IPO8: variants seen among roughly 807,000 people sequenced by gnomAD.
IPO8 encodes the protein importin-8.
Under a neutral mutation model 141.2 loss-of-function variants are expected in IPO8, and 65 were observed. The ratio of observed to expected loss-of-function variants is 0.46; its 90% confidence interval spans 0.38 to 0.57. The LOEUF (loss-of-function observed/expected upper bound fraction) is 0.57. Ranked by LOEUF, IPO8 falls within the 20% of genes least tolerant of loss-of-function variation. The pLI, the probability that IPO8 is intolerant of heterozygous loss-of-function variation, is 0.00. For synonymous variants in IPO8, 411 were observed against 420.3 expected, an observed-to-expected ratio of 0.98 and a Z score of 0.27; for missense variants, 980 against 1,246.8, an observed-to-expected ratio of 0.79 and a Z score of 3.22.
intron 9 of IPO8, among the ~76,000 whole-genome samples, chr12:30,670,194 C>T (rs1211948964): frequency 6.6e-6 from 1 of 152,166 alleles, no homozygotes; most frequent in Non-Finnish European, 1.5e-5. Flanking sequence ...AAGATATCTA[C>T]ATAAATCAAA....
intron 8 of IPO8, among the ~76,000 whole-genome samples, 196 bp from the exon 9 acceptor site, chr12:30,671,292 G>C (rs1302190725): frequency 2.0e-5 from 3 of 152,062 alleles, no homozygotes. Context: ...TGAACTAAAC[G>C]GTGTCTCATT....
chr12:30,677,059 T>A, intron 5 of IPO8: 1 of 1,522,622 alleles, frequency 6.6e-7, no homozygotes, highest in Non-Finnish European at 8.8e-7. Context: ...TGCTGTACTG[T>A]GAGTTGCAGA....
In IPO8 at chr12:30,695,554, C is replaced by T; in HGVS notation, c.84+10G>A. 1 of 1,612,690 alleles carries T rather than the reference C, an allele frequency of 6.2e-7. No homozygotes were observed. The highest frequency in any genetic ancestry group is 8.5e-7 in the Non-Finnish European group (1 of 1,178,952). ...CGGCGGAAGAGGGTCGCCGAAGACC[C>T]TCTCCTCACCTGGTTGAGCTCGTTC... On this transcript the variant is annotated intron_variant, in intron 1 of 24. Transcript: ENST00000256079. The surrounding 1 kb of genome is among the most constrained non-coding windows in gnomAD (Gnocchi z 4.2).
chr12:30,651,785 T>C (rs1020328938), intron 19 of IPO8, among the ~76,000 whole-genome samples: 28 of 152,156 alleles, frequency 1.8e-4, no homozygotes, highest in African/African-American at 6.5e-4. Flanking sequence ...CTTTTCCAAC[T>C]ATTAAAATTT....
intron 8 of IPO8, among the ~76,000 whole-genome samples, chr12:30,673,224 A>G (rs2053075501): frequency 6.6e-6 from 1 of 152,062 alleles, no homozygotes; most frequent in African/African-American, 2.4e-5. Context: ...GTGCCACTGC[A>G]CTCCAGCCTG....
At chr12:30,648,580 A>G (rs1355719199) in intron 20 of IPO8, among the ~76,000 whole-genome samples, 1 of 152,208 alleles carries the variant, frequency 6.6e-6, no homozygotes, top group Admixed American at 6.5e-5. Flanking sequence ...TATAAGAAAT[A>G]CATAAAGCAA....
At chr12:30,674,588 A>C in intron 7 of IPO8, 71 bp downstream of exon 7, 2 of 1,136,284 alleles carry the variant, frequency 1.8e-6, no homozygotes, top group Admixed American at 1.7e-5. Flanking sequence ...CGGTGGCTCT[A>C]AAGACAGATA....
chr12:30,665,656 A>G (rs2136153081), intron 12 of IPO8, 73 bp downstream of exon 12: 3 of 934,486 alleles, frequency 3.2e-6, no homozygotes, highest in East Asian at 4.9e-5. Context: ...TAAATTAGCC[A>G]TAACTTTCAT....
chr12:30,655,369 C>T (rs994681780), intron 17 of IPO8, among the ~76,000 whole-genome samples: 7 of 152,124 alleles, frequency 4.6e-5, no homozygotes, highest in Non-Finnish European at 8.8e-5. Flanking sequence ...AAAATTGTAT[C>T]TATGATTTAT....
intron 5 of IPO8, among the ~76,000 whole-genome samples, chr12:30,680,036 CCT>C (rs1419861034): frequency 1.3e-5 from 2 of 151,986 alleles, no homozygotes; most frequent in Non-Finnish European, 2.9e-5. Context: ...AACCCTAAAT[CCT>C]CTGTTAGCTT....
Position 30,690,764 on chromosome 12 carries a change from G to A in IPO8, c.85-187C>T, listed in dbSNP as rs577604892. On this transcript the variant is annotated intron_variant, in intron 1 of 24. Coordinates refer to ENST00000256079, the MANE Select transcript of IPO8 (RefSeq NM_006390.4). ...CAAAAAAATTTCCTGAGCAGAAACT[G>A]ATGAATAAAAGAATGTGAACATTTT... Among the ~76,000 whole-genome samples, 18 of 152,232 alleles carry A rather than the reference G, an allele frequency of 1.2e-4. No homozygotes were observed. The East Asian group carries it at 3.5e-3, about 29-fold the overall frequency.
intron 17 of IPO8, among the ~76,000 whole-genome samples, 163 bp downstream of exon 17, chr12:30,656,521 T>C (rs1388532636): frequency 6.6e-6 from 1 of 152,182 alleles, no homozygotes; most frequent in African/African-American, 2.4e-5. Context: ...TGAATGAAAA[T>C]ACAGATATTT....
In IPO8 at chr12:30,695,145, A is replaced by G; in HGVS notation, c.84+419T>C. ...GGTGGGCAGCGTGCTCCACAGCAAC[A>G]CCTAAAAAGGGCTGGGTTTGGAAAA... On this transcript the variant is annotated intron_variant, in intron 1 of 24. Transcript: ENST00000256079. The surrounding 1 kb of genome is among the most constrained non-coding windows in gnomAD (Gnocchi z 4.2). 2 of 392,640 alleles carry G rather than the reference A, an allele frequency of 5.1e-6. No individual in the cohort carries two copies. Among genetic ancestry groups the G allele is most frequent in the Admixed American group, 3.5e-5 (1 of 28,936 alleles). The allele number at this position is 392,640 out of a possible 1,614,324, so 24.3% of individuals were successfully genotyped here. A position where few individuals can be genotyped will look rare whatever the true frequency, so the allele number is the denominator to read the frequency against.
intron 8 of IPO8, 46 bp downstream of exon 8, chr12:30,673,944 T>A (rs1294075547): frequency 8.5e-7 from 1 of 1,180,196 alleles, no homozygotes; most frequent in South Asian, 1.6e-5. Flanking sequence ...ATGCCTTTAC[T>A]TTCAGTAGTA....
At position 30,695,745 on chromosome 12, in the gene IPO8, G is replaced by A; in HGVS notation, c.-98C>T. 1 of 1,122,692 alleles carries A rather than the reference G, an allele frequency of 8.9e-7. No individual in the cohort carries two copies. Among genetic ancestry groups the A allele is most frequent in the South Asian group, 1.4e-5 (1 of 70,494 alleles). 69.5% of individuals were successfully genotyped at this position (1,122,692 alleles called of 1,614,324 possible). A position where few individuals can be genotyped will look rare whatever the true frequency, so the allele number is the denominator to read the frequency against. On this transcript the variant is annotated 5_prime_UTR_variant, in exon 1 of 25. Coordinates refer to ENST00000256079, the MANE Select transcript of IPO8 (RefSeq NM_006390.4). This position sits in a 1 kb window ranked among gnomAD's most constrained non-coding sequence, Gnocchi z 4.2. ...TCAGCCTCCTCTTCCGCGACCCCTG[G>A]ATTACCTCACACCCCACCCCCCGCC...
Position 30,665,090 on chromosome 12 carries a change from T to C in IPO8, c.1428+130A>G, listed in dbSNP as rs1424177421. On this transcript the variant is annotated intron_variant, in intron 13 of 24. Coordinates refer to ENST00000256079, the MANE Select transcript of IPO8 (RefSeq NM_006390.4). ...GTCCTTTATTCAGCTGATGTGACCA[T>C]AGGCAGACATTCTAATTGACTCTAT... The C allele has an allele frequency of 1.5e-5, 9 of 617,004 alleles. 1 individual carries two copies. Among genetic ancestry groups the C allele is most frequent in the South Asian group, 4.2e-5 (2 of 48,088 alleles). 38.2% of individuals were successfully genotyped at this position (617,004 alleles called of 1,614,324 possible). A position where few individuals can be genotyped will look rare whatever the true frequency, so the allele number is the denominator to read the frequency against.
In IPO8 at chr12:30,694,843, G is replaced by T. The variant is rs185262822; in HGVS notation, c.84+721C>A. ...GGAAGAAGAAATAAGCTGGAGTTTG[G>T]GATCATTAAAATTTTGAAGTGTGGG... On this transcript the variant is annotated intron_variant, in intron 1 of 24. Transcript: ENST00000256079. 3.3e-4 allele frequency: 118 copies of T among 362,482 alleles called. No individual in the cohort carries two copies. In the Admixed American group the frequency reaches 3.9e-3, roughly 12 times the overall value. 22.5% of individuals were successfully genotyped at this position (362,482 alleles called of 1,614,324 possible).
chr12:30,652,372 C>A, intron 18 of IPO8, 83 bp from the exon 19 acceptor site: 1 of 791,396 alleles, frequency 1.3e-6, no homozygotes. Context: ...ATTTCTGTAG[C>A]ACCCACACAT....
chr12:30,694,766 C>T (rs1458647006), intron 1 of IPO8, among the ~76,000 whole-genome samples: 1 of 152,186 alleles, frequency 6.6e-6, no homozygotes, highest in East Asian at 1.9e-4. Flanking sequence ...CCAGTGGTAG[C>T]TCTTAATCCC....
Sources: allele counts gnomAD v4.1 joint callset (sites outside exome capture counted in the v4.1 genomes callset), GRCh38; gene constraint gnomAD v4.1.1; non-coding constraint Gnocchi (gnomAD v3.1); transcripts MANE v1.5; gene names NCBI Gene and HGNC (gene_info 2026-07-23, HGNC 2026-07-21).